The following MYT1L variants were observed in gnomAD, a reference collection of about 807,000 sequenced individuals.
MYT1L encodes myelin transcription factor 1-like protein.
A neutral mutation model predicts 126.7 loss-of-function variants in MYT1L; 12 were observed. That is an observed-to-expected ratio of 0.09 (90% confidence interval 0.06 to 0.15). The LOEUF (loss-of-function observed/expected upper bound fraction) is 0.15. Among genes scored for constraint, MYT1L ranks in the 10% least tolerant of loss-of-function variants. The pLI, the probability that MYT1L is intolerant of heterozygous loss-of-function variation, is 1.00. For missense variants in MYT1L, 979 were observed against 1,585.2 expected, an observed-to-expected ratio of 0.62 and a Z score of 6.49; for synonymous variants, 541 against 604.2, an observed-to-expected ratio of 0.90 and a Z score of 1.53.
rs2048582061 is a variant in MYT1L, at chr2:1,889,583, C to A, written c.2284-106G>T. ...TGCCGTCAGCCAGTGTAGCGTTCAA[C>A]ACAGAATCCCTCGCTGCTGTTTCCT... On this transcript the variant is annotated intron_variant, in intron 15 of 24. Transcript: ENST00000647738. This position sits in a 1 kb window ranked among gnomAD's most constrained non-coding sequence, Gnocchi z 4.1. The A allele has an allele frequency of 1.2e-6, 1 of 837,654 alleles. No individual in the cohort carries two copies. Among genetic ancestry groups the A allele is most frequent in the Non-Finnish European group, 1.8e-6 (1 of 560,724 alleles). 51.9% of individuals were successfully genotyped at this position (837,654 alleles called of 1,614,324 possible). A position where few individuals can be genotyped will look rare whatever the true frequency, so the allele number is the denominator to read the frequency against.
At chr2:1,945,535 G>A (rs1355173970) in intron 8 of MYT1L, among the ~76,000 whole-genome samples, 8 of 152,186 alleles carry the variant, frequency 5.3e-5, no homozygotes, top group Admixed American at 5.2e-4. Flanking sequence ...GGAGGAGCTT[G>A]CATTGCCCAT....
At chr2:1,892,683 G>T (rs2049066724) in intron 14 of MYT1L, among the ~76,000 whole-genome samples, 1 of 152,072 alleles carries the variant, frequency 6.6e-6, no homozygotes, top group Admixed American at 6.5e-5. Context: ...TCAAATCCCA[G>T]TCGAGGCCCT....
Position 1,910,310 on chromosome 2 carries a change from C to T in MYT1L, c.1747G>A (p.Ala583Thr). 1 of 1,612,912 alleles carries T rather than the reference C, an allele frequency of 6.2e-7. No individual in the cohort carries two copies. ...GCPIAAAEKLAKAQEKHQSCD... is the reference protein window; with the variant it reads ...GCPIAAAEKLTKAQEKHQSCD... ...CTCTGGTGCTTTTCCTGTGCCTTGG[C>T]CAGTTTCTCTGCTGCAGCGATCGGG... The change falls in exon 13 of 25, where the codon GCC becomes ACC. Residue 583 changes from alanine to threonine, a missense_variant. Coordinates refer to ENST00000647738, the MANE Select transcript of MYT1L (RefSeq NM_001303052.2). The surrounding 1 kb of genome is among the most constrained non-coding windows in gnomAD (Gnocchi z 4.8).
chr2:2,255,419 A>G (rs2094781066), intron 2 of MYT1L, among the ~76,000 whole-genome samples: 2 of 152,276 alleles, frequency 1.3e-5, no homozygotes, highest in Middle Eastern at 6.8e-3. Context: ...TTTGCCCCAG[A>G]AAAGGGTAAC....
At chr2:2,234,501 A>G (rs2094235896) in intron 2 of MYT1L, among the ~76,000 whole-genome samples, 1 of 152,214 alleles carries the variant, frequency 6.6e-6, no homozygotes, top group Non-Finnish European at 1.5e-5. Flanking sequence ...TTTGCTGTTT[A>G]TTAATGCTTG....
At chr2:1,994,253 A>G (rs965442732) in intron 5 of MYT1L, among the ~76,000 whole-genome samples, 4 of 152,138 alleles carry the variant, frequency 2.6e-5, no homozygotes, top group African/African-American at 7.2e-5. Flanking sequence ...CACCAGGCTC[A>G]GCCCTGGTTC....
intron 11 of MYT1L, among the ~76,000 whole-genome samples, chr2:1,914,502 C>A (rs1018162152): frequency 6.6e-6 from 1 of 152,048 alleles, no homozygotes; most frequent in Non-Finnish European, 1.5e-5. Context: ...TCAGTTTCCA[C>A]GAATGCTACT....
At chr2:2,015,914 T>C (rs2064335638) in intron 4 of MYT1L, among the ~76,000 whole-genome samples, 2 of 152,142 alleles carry the variant, frequency 1.3e-5, no homozygotes, top group South Asian at 4.1e-4. Context: ...GGAATATGGG[T>C]GGGACTCCCA....
At chr2:2,307,111 C>G (rs1305063720) in intron 1 of MYT1L, among the ~76,000 whole-genome samples, 2 of 152,058 alleles carry the variant, frequency 1.3e-5, no homozygotes, top group African/African-American at 2.4e-5. Flanking sequence ...TAGTGTTTGG[C>G]CCAGTCCTCA....
At chr2:2,141,379 A>G (rs1304510278) in intron 3 of MYT1L, among the ~76,000 whole-genome samples, 1 of 152,194 alleles carries the variant, frequency 6.6e-6, no homozygotes. Flanking sequence ...AACACATTTC[A>G]TAAGACTTTT....
intron 3 of MYT1L, among the ~76,000 whole-genome samples, chr2:2,139,848 C>T (rs1039516437): frequency 7.2e-5 from 11 of 152,094 alleles, no homozygotes; most frequent in Admixed American, 1.3e-4. Context: ...ATTAAAGTTA[C>T]TCACATTCTT....
At chr2:2,062,991 C>T (rs1035558121) in intron 3 of MYT1L, among the ~76,000 whole-genome samples, 2 of 152,154 alleles carry the variant, frequency 1.3e-5, no homozygotes, top group South Asian at 2.1e-4. Context: ...GGAACTTACA[C>T]GATTCAGCCA....
chr2:2,308,906 G>A (rs185730588), intron 1 of MYT1L, among the ~76,000 whole-genome samples: 49 of 146,348 alleles, frequency 3.3e-4, no homozygotes, highest in Non-Finnish European at 5.4e-4. Flanking sequence ...TGTGCTTCAG[G>A]ATACTCTACC....
At chr2:1,911,273 T>TA (rs2051930539) in intron 12 of MYT1L, among the ~76,000 whole-genome samples, 1 of 152,120 alleles carries the variant, frequency 6.6e-6, no homozygotes, top group Non-Finnish European at 1.5e-5. Context: ...AAGCAAAAAT[T>TA]AGAGTGAAGC....
At chr2:1,826,138 G>A (rs915688167) in intron 21 of MYT1L, 2 of 152,358 alleles carry the variant, frequency 1.3e-5, no homozygotes, top group East Asian at 3.9e-4. Context: ...GCCACCTGCA[G>A]AGGACCCCCT....
At chr2:1,930,551 C>T (rs542175496) in intron 9 of MYT1L, among the ~76,000 whole-genome samples, 14 of 152,356 alleles carry the variant, frequency 9.2e-5, no homozygotes, top group African/African-American at 1.4e-4. Context: ...ATGGCACACA[C>T]GCCTTGCCCA....
intron 2 of MYT1L, among the ~76,000 whole-genome samples, chr2:2,272,029 T>A (rs1261504428): frequency 6.6e-6 from 1 of 152,224 alleles, no homozygotes; most frequent in Non-Finnish European, 1.5e-5. Flanking sequence ...GAACTCTGCA[T>A]CCTGGCGAGG....
At chr2:2,065,440 C>T (rs1426817237) in intron 3 of MYT1L, among the ~76,000 whole-genome samples, 1 of 152,120 alleles carries the variant, frequency 6.6e-6, no homozygotes, top group African/African-American at 2.4e-5. Context: ...TTCAAAGAGG[C>T]AGTCCTTCCC....
intron 3 of MYT1L, among the ~76,000 whole-genome samples, chr2:2,132,931 C>A (rs1426299166): frequency 6.6e-6 from 1 of 152,080 alleles, no homozygotes; most frequent in South Asian, 2.1e-4. Flanking sequence ...AGTCCCCTGT[C>A]CTGTCCTTAA....
Sources: allele counts gnomAD v4.1 joint callset (sites outside exome capture counted in the v4.1 genomes callset), GRCh38; gene constraint gnomAD v4.1.1; non-coding constraint Gnocchi (gnomAD v3.1); transcripts MANE v1.5; gene names NCBI Gene and HGNC (gene_info 2026-07-23, HGNC 2026-07-21).